The following HFM1 variants were observed in gnomAD, a reference collection of about 807,000 sequenced individuals.
The protein encoded by HFM1 is probable ATP-dependent DNA helicase HFM1.
HFM1 carries 169 observed loss-of-function variants against 192.1 expected under a neutral mutation model. The observed-to-expected ratio is 0.88, with a 90% confidence interval of 0.78 to 1.00. The LOEUF is 1.00. Among genes scored for constraint, HFM1 ranks in the 50% least tolerant of loss-of-function variants. HFM1 has a pLI of 0.00. For synonymous variants in HFM1, 525 were observed against 537.8 expected (o/e 0.98, Z 0.33); for missense variants, 1,661 against 1,668.0 (o/e 1.00, Z 0.07).
intron 30 of HFM1, among the ~76,000 whole-genome samples, chr1:91,281,391 A>T (rs934477177): frequency 3.3e-5 from 5 of 152,146 alleles, no homozygotes; most frequent in Non-Finnish European, 5.9e-5. Context: ...ATACATGGGA[A>T]TACCTCACCC....
At chr1:91,384,742 T>C (rs1661963807) in intron 6 of HFM1, among the ~76,000 whole-genome samples, 1 of 87,984 alleles carries the variant, frequency 1.1e-5, no homozygotes, top group Non-Finnish European at 2.1e-5. Context: ...ATCACACACA[T>C]ACATCTTTTT....
rs1661131343 is a variant in HFM1 at position 91,378,160 on chromosome 1, A to T, written c.1260T>A (p.Asn420Lys). The change falls in exon 11 of 39, where the codon AAT becomes AAA. Residue 420 changes from asparagine (N) to lysine (K), a missense_variant. Transcript: ENST00000370425. ...IDEVHIVKDENRGPTLEVVVS... is the reference protein window; with the variant it reads ...IDEVHIVKDEKRGPTLEVVVS... The stretch of plus-strand genomic sequence containing the variant: ...CTACAACTTCAAGAGTTGGACCACG[A>T]TTTTCATCTTTTACAATATGTACCT... The T allele has an allele frequency of 1.2e-6, 2 of 1,605,526 alleles. No homozygotes were observed. The highest frequency in any genetic ancestry group is 4.5e-5 in the East Asian group (2 of 44,696).
intron 9 of HFM1, 103 bp from the exon 10 acceptor site, chr1:91,378,583 G>A (rs1571177266): frequency 3.1e-6 from 2 of 652,298 alleles, no homozygotes; most frequent in East Asian, 2.9e-5. Context: ...ACAAATAATA[G>A]GCAATTTTGG....
intron 1 of HFM1, 141 bp from the exon 2 acceptor site, chr1:91,401,250 TC>T (rs1163764221): frequency 1.9e-6 from 1 of 536,636 alleles, no homozygotes. Flanking sequence ...GCAACTTCCT[TC>T]AAAGCACCTC....
intron 2 of HFM1, among the ~76,000 whole-genome samples, chr1:91,399,352 C>T (rs944829812): frequency 2.0e-5 from 3 of 152,104 alleles, no homozygotes; most frequent in South Asian, 2.1e-4. Context: ...ATATTTGATA[C>T]TCCCTCTAGA....
chr1:91,352,670 T>C lies in HFM1; in HGVS notation c.1832-19A>G, dbSNP rs759475440. ...GTAGTAACTGCATCAGATTAAGACATAGTAATTTTGAGCCATTTAACTTTG... is the reference window on the plus strand; with the variant it reads ...GTAGTAACTGCATCAGATTAAGACACAGTAATTTTGAGCCATTTAACTTTG... On this transcript the variant is annotated intron_variant, in intron 15 of 38. Coordinates refer to ENST00000370425, the MANE Select transcript of HFM1 (RefSeq NM_001017975.6). 12 of 1,555,056 alleles carry C rather than the reference T, an allele frequency of 7.7e-6. No individual in the cohort carries two copies. Among genetic ancestry groups the C allele is most frequent in the Middle Eastern group, 1.8e-4 (1 of 5,670 alleles).
chr1:91,399,287 T>C (rs1664032554), intron 2 of HFM1, among the ~76,000 whole-genome samples: 1 of 152,142 alleles, frequency 6.6e-6, no homozygotes, highest in Non-Finnish European at 1.5e-5. Context: ...TGTGTGAATG[T>C]ACAGATAGAT....
chr1:91,316,422 A>AT lies in HFM1; in HGVS notation c.2866dup (p.Ile956AsnfsTer10). 2.5e-6 allele frequency: 4 copies of AT among 1,580,062 alleles called. No individual in the cohort carries two copies. The highest frequency in any genetic ancestry group is 3.5e-6 in the Non-Finnish European group (4 of 1,159,002). ...AAGTTCCCTTGCATCTGTCTCTTCTATTTTTTTAAAGGAAGTCAAACCAGC... is the reference window on the plus strand; with the variant it reads ...AAGTTCCCTTGCATCTGTCTCTTCTATTTTTTTTAAAGGAAGTCAAACCAGC... On this transcript the variant is annotated frameshift_variant, in exon 26 of 39. Transcript: ENST00000370425. LOFTEE classifies it high-confidence loss of function.
At chr1:91,405,152 T>A (rs766423327), upstream of HFM1, among the ~76,000 whole-genome samples, 2 of 152,198 alleles carry the variant, frequency 1.3e-5, no homozygotes, top group Non-Finnish European at 2.9e-5. Context: ...ACTTCCGGTC[T>A]CTTCGTACCT....
intron 19 of HFM1, among the ~76,000 whole-genome samples, chr1:91,345,456 T>C (rs1031135011): frequency 6.6e-6 from 1 of 152,126 alleles, no homozygotes; most frequent in African/African-American, 2.4e-5. Context: ...TGGTGAAAGT[T>C]TGTATTTTAT....
At chr1:91,328,362 A>G in intron 20 of HFM1, 3 of 1,552,382 alleles carry the variant, frequency 1.9e-6, no homozygotes, top group Non-Finnish European at 2.6e-6. Flanking sequence ...AAGGCCAGTC[A>G]TCCCTCCTCT....
At chr1:91,279,353 G>A (rs145157360) in intron 30 of HFM1, among the ~76,000 whole-genome samples, 5 of 152,214 alleles carry the variant, frequency 3.3e-5, no homozygotes, top group African/African-American at 1.2e-4. Context: ...TATTGTTTCA[G>A]GTGTTTTGTC....
intron 1 of HFM1, among the ~76,000 whole-genome samples, chr1:91,402,742 C>T (rs1226946058): frequency 6.6e-6 from 1 of 152,022 alleles, no homozygotes; most frequent in African/African-American, 2.4e-5. Context: ...ACAAAAGAAA[C>T]TTTTCCTAAA....
rs1379343772 is a variant in HFM1, at chr1:91,262,520, G to A, written c.4047C>T (p.Ser1349=). 3.1e-6 allele frequency: 5 copies of A among 1,606,950 alleles called. No homozygotes were observed. Among genetic ancestry groups the A allele is most frequent in the African/African-American group, 2.7e-5 (2 of 74,784 alleles). ...NSAMPKFSAS[S]MTKLPQQAGN... ...CGGCTTGTTGAGGTAATTTTGTCAT[G>A]GAGGATGCACTGAACTTGGGCATAG... Residue 1349 remains serine, a synonymous_variant, in exon 37 of 39, where the codon TCC becomes TCT. Coordinates refer to ENST00000370425, the MANE Select transcript of HFM1 (RefSeq NM_001017975.6).
At position 91,300,113 on chromosome 1, in the gene HFM1, T is replaced by C. The variant is rs536306214; in HGVS notation, c.3391+13236A>G. 2.0e-5 allele frequency among the ~76,000 whole-genome samples: 3 copies of C among 152,082 alleles called. No individual in the cohort carries two copies. In the South Asian group the frequency reaches 6.2e-4, roughly 32 times the overall value. On this transcript the variant is annotated intron_variant, in intron 30 of 38. Coordinates refer to ENST00000370425, the MANE Select transcript of HFM1 (RefSeq NM_001017975.6). ...ATGATAAAGGGGATATCACCACCGATCCCACAGAAATACAAACTACCATCA... is the reference window on the plus strand; with the variant it reads ...ATGATAAAGGGGATATCACCACCGACCCCACAGAAATACAAACTACCATCA...
chr1:91,295,830 T>C (rs1338508434), intron 30 of HFM1, among the ~76,000 whole-genome samples: 2 of 152,226 alleles, frequency 1.3e-5, no homozygotes, highest in African/African-American at 4.8e-5. Context: ...ACCTATTTTT[T>C]CTCCTCTAAA....
chr1:91,405,761 A>G (rs1664771628), upstream of HFM1, among the ~76,000 whole-genome samples: 1 of 152,222 alleles, frequency 6.6e-6, no homozygotes, highest in Middle Eastern at 3.2e-3. Context: ...CTGAAATGTA[A>G]AATTATTCCA....
In HFM1 at chr1:91,392,561, A is replaced by G. The variant is rs1459148338; in HGVS notation, c.494+1532T>C. ...AATTGAACAATGAGAACACTTGCATACAGGGTGGGGAACATCACACACCGG... is the reference window on the plus strand; with the variant it reads ...AATTGAACAATGAGAACACTTGCATGCAGGGTGGGGAACATCACACACCGG... On this transcript the variant is annotated intron_variant, in intron 4 of 38. Coordinates refer to ENST00000370425, the MANE Select transcript of HFM1 (RefSeq NM_001017975.6). Among the ~76,000 whole-genome samples the G allele has an allele frequency of 2.0e-5, 3 of 152,060 alleles. No homozygotes were observed. In the East Asian group the frequency reaches 5.8e-4, roughly 29 times the overall value.
chr1:91,381,317 T>G (rs1366264968), intron 6 of HFM1, among the ~76,000 whole-genome samples: 1 of 152,220 alleles, frequency 6.6e-6, no homozygotes, highest in African/African-American at 2.4e-5. Context: ...AGTAGTGCTT[T>G]TTCTTATTTA....
Sources: allele counts gnomAD v4.1 joint callset (sites outside exome capture counted in the v4.1 genomes callset), GRCh38; gene constraint gnomAD v4.1.1; transcripts MANE v1.5; gene names NCBI Gene and HGNC (gene_info 2026-07-23, HGNC 2026-07-21).